ROCK1: variants seen among roughly 807,000 people sequenced by gnomAD.
ROCK1 encodes Rho associated coiled-coil containing protein kinase 1.
ROCK1 carries 36 observed loss-of-function variants against 196.8 expected under a neutral mutation model. The observed-to-expected ratio is 0.18, with a 90% CI of 0.14 to 0.24. ROCK1 has a LOEUF of 0.24. Among genes scored for constraint, ROCK1 ranks in the 10% least tolerant of loss-of-function variants. The probability of loss-of-function intolerance (pLI) is 1.00; values close to 1 mark genes in which losing one functional copy is unlikely to be tolerated. For missense variants in ROCK1, 920 were observed against 1,562.0 expected (o/e 0.59, Z 6.93); for synonymous variants, 443 against 515.9 (o/e 0.86, Z 1.91).
chr18:20,964,741 T>C (rs2035357066), intron 27 of ROCK1, among the ~76,000 whole-genome samples: 1 of 152,186 alleles, frequency 6.6e-6, no homozygotes, highest in African/African-American at 2.4e-5. Context: ...ATGGAGCTAG[T>C]AGAAACATTT....
intron 8 of ROCK1, 47 bp from the exon 9 acceptor site, chr18:21,039,610 A>C (rs1357623274): frequency 7.6e-7 from 1 of 1,311,842 alleles, no homozygotes; most frequent in Admixed American, 1.7e-5. Context: ...TTAAGATCTT[A>C]TTATAACCTG....
chr18:21,044,616 G>C (rs541525937), intron 5 of ROCK1, among the ~76,000 whole-genome samples: 1 of 152,268 alleles, frequency 6.6e-6, no homozygotes, highest in East Asian at 1.9e-4. Context: ...TACAACAAAT[G>C]AAACTATTCG....
At chr18:21,065,935 A>G (rs2036330703) in intron 2 of ROCK1, among the ~76,000 whole-genome samples, 1 of 152,220 alleles carries the variant, frequency 6.6e-6, no homozygotes, top group Non-Finnish European at 1.5e-5. Flanking sequence ...ATGATTAAAA[A>G]TTATATTTGA....
intron 2 of ROCK1, among the ~76,000 whole-genome samples, chr18:21,058,391 A>T (rs1598547145): frequency 6.6e-6 from 1 of 152,176 alleles, no homozygotes; most frequent in Non-Finnish European, 1.5e-5. Context: ...AAAATGTTCA[A>T]AGTTTTTTTA....
chr18:21,089,265 G>T (rs2036551063), intron 1 of ROCK1, among the ~76,000 whole-genome samples: 1 of 152,042 alleles, frequency 6.6e-6, no homozygotes, highest in African/African-American at 2.4e-5. Context: ...TCACCATGTT[G>T]GCCAGACTGG....
intron 9 of ROCK1, among the ~76,000 whole-genome samples, chr18:21,032,874 C>G (rs193267282): frequency 2.9e-4 from 44 of 152,060 alleles, no homozygotes; most frequent in Non-Finnish European, 4.9e-4. Flanking sequence ...CTAGAAAACA[C>G]AGGCTGACAA....
At chr18:21,014,065 CAAAAAAAAAAAAA>C (rs56355855) in intron 13 of ROCK1, among the ~76,000 whole-genome samples, 1 of 69,830 alleles carries the variant, frequency 1.4e-5, no homozygotes, top group Non-Finnish European at 3.5e-5. Flanking sequence ...GACTCTGTCT[CAAAAAAAAAAAAA>C]AAAAAAAAGA....
chr18:21,106,359 GTGGCACAA>G (rs2036703411), intron 1 of ROCK1, among the ~76,000 whole-genome samples: 1 of 152,148 alleles, frequency 6.6e-6, no homozygotes, highest in African/African-American at 2.4e-5. Context: ...CTGGAGTGCA[GTGGCACAA>G]TCTCGGCTCA....
chr18:20,976,890 A>AT (rs2035485823), intron 22 of ROCK1, among the ~76,000 whole-genome samples: 1 of 152,134 alleles, frequency 6.6e-6, no homozygotes, highest in South Asian at 2.1e-4. Context: ...CAGCACTACC[A>AT]TCAACTCAAC....
chr18:21,014,065 CAAAAAAAA>C (rs56355855), intron 13 of ROCK1, among the ~76,000 whole-genome samples: 1 of 69,830 alleles, frequency 1.4e-5, no homozygotes, highest in Non-Finnish European at 3.5e-5. Context: ...GACTCTGTCT[CAAAAAAAA>C]AAAAAAAAAA....
chr18:21,039,604 G>T, intron 8 of ROCK1, 41 bp from the exon 9 acceptor site: 1 of 1,389,350 alleles, frequency 7.2e-7, no homozygotes, highest in Non-Finnish European at 1.0e-6. Context: ...AATCATTTAA[G>T]ATCTTATTAT....
At position 20,950,720 on chromosome 18, in the gene ROCK1, T is replaced by C. The variant is rs2663705; in HGVS notation, c.*664A>G. ...GCATAGATTAAATGTAACTTTTTTT[T>C]GTCCTCTCCCATTCCCCAAACTTGC... On this transcript the variant is annotated 3_prime_UTR_variant, in exon 33 of 33. Coordinates refer to ENST00000399799, the MANE Select transcript of ROCK1 (RefSeq NM_005406.3). The C allele has an allele frequency of 6.6e-6, 1 of 152,584 alleles. No individual in the cohort carries two copies. Among genetic ancestry groups the C allele is most frequent in the South Asian group, 2.1e-4 (1 of 4,796 alleles). 9.5% of individuals were successfully genotyped at this position (152,584 alleles called of 1,614,324 possible).
At chr18:21,039,784 A>G (rs919867947) in intron 8 of ROCK1, among the ~76,000 whole-genome samples, 4 of 152,188 alleles carry the variant, frequency 2.6e-5, no homozygotes, top group African/African-American at 9.7e-5. Flanking sequence ...AAGGCTGGAC[A>G]TGGTGGCTCA....
At chr18:21,078,348 AC>A (rs1349335952) in intron 1 of ROCK1, among the ~76,000 whole-genome samples, 4 of 143,002 alleles carry the variant, frequency 2.8e-5, no homozygotes, top group African/African-American at 1.1e-4. Flanking sequence ...ACCTACACAC[AC>A]ACACACACAC....
chr18:21,017,306 C>T (rs1598529652), intron 12 of ROCK1, among the ~76,000 whole-genome samples: 1 of 151,632 alleles, frequency 6.6e-6, no homozygotes, highest in East Asian at 2.0e-4. Flanking sequence ...ATTCTCCTGC[C>T]TCAGCCTCCC....
intron 1 of ROCK1, among the ~76,000 whole-genome samples, chr18:21,096,081 G>A (rs1194931476): frequency 1.3e-5 from 2 of 151,930 alleles, no homozygotes; most frequent in African/African-American, 4.8e-5. Flanking sequence ...TTACCCTGAT[G>A]TGACTATTAT....
intron 22 of ROCK1, among the ~76,000 whole-genome samples, chr18:20,971,341 C>CACACACACACACAA: frequency 5.0e-5 from 1 of 19,862 alleles, no homozygotes; most frequent in South Asian, 2.6e-3. Context: ...CACACACACA[C>CACACACACACACAA]ACATACACAC....
chr18:20,999,514 T>C (rs1417791060), intron 16 of ROCK1, among the ~76,000 whole-genome samples: 1 of 151,938 alleles, frequency 6.6e-6, no homozygotes, highest in Non-Finnish European at 1.5e-5. Context: ...TCATACTCAA[T>C]GAACAATCCA....
intron 16 of ROCK1, among the ~76,000 whole-genome samples, chr18:21,003,709 C>T (rs543006005): frequency 1.1e-4 from 17 of 152,194 alleles, no homozygotes; most frequent in African/African-American, 4.1e-4. Context: ...CAAGAGGTCA[C>T]TATAGTACAG....
Sources: gnomAD v4.1 joint callset for allele counts (sites outside exome capture counted in the v4.1 genomes callset) on GRCh38, gnomAD v4.1.1 for gene constraint, MANE v1.5 for transcripts, NCBI Gene and HGNC (gene_info 2026-07-23, HGNC 2026-07-21) for gene names.